The following C15orf61 variants were observed in gnomAD, a reference collection of about 807,000 sequenced individuals.
The protein encoded by C15orf61 is chromosome 15 open reading frame 61, also known as uncharacterized protein C15orf61.
In C15orf61, 12 loss-of-function variants were observed where a neutral mutation model predicts 13.7. The ratio of observed to expected loss-of-function variants is 0.88; its 90% CI spans 0.56 to 1.42. C15orf61 has a LOEUF of 1.42. Among genes scored for constraint, C15orf61 ranks in the 40% most tolerant of loss-of-function variants. C15orf61 has a pLI of 0.00. For synonymous variants in C15orf61, 92 were observed against 94.1 expected, an observed-to-expected ratio of 0.98 and a Z score of 0.13; for missense variants, 248 against 213.2, an observed-to-expected ratio of 1.16 and a Z score of -1.02.
In C15orf61 at chr15:67,521,478, A is replaced by C. The variant is rs1358629971; in HGVS notation, c.230A>C (p.Tyr77Ser). ...AACTGGCCGGTGCAGGGCGCCAACT[A>C]CCACGTCCTGCGCACCGGCTGCTTC... ...HFNWPVQGAN[Y>S]HVLRTGCFPF... Residue 77 changes from tyrosine (Y) to serine (S), a missense_variant, in exon 1 of 2, where the codon TAC (tyrosine) becomes TCC (serine). By Grantham distance (144) the Tyr-to-Ser change is moderately radical. Transcript: ENST00000342683. The C allele has an allele frequency of 6.5e-7, 1 of 1,548,192 alleles. No individual in the cohort carries two copies. Among genetic ancestry groups the C allele is most frequent in the African/African-American group, 1.4e-5 (1 of 73,002 alleles).
rs1248970157 is a variant in C15orf61, at chr15:67,527,773, T to G, written c.*1228T>G. Reference sequence around the variant, plus strand: ...TACAAACTAGCTTCGTTAAAGGTAGTCATTTTAAATGATCTACAGAGTGAA... The same window carrying G: ...TACAAACTAGCTTCGTTAAAGGTAGGCATTTTAAATGATCTACAGAGTGAA... On this transcript the variant is annotated 3_prime_UTR_variant, in exon 2 of 2. Coordinates refer to ENST00000342683, the MANE Select transcript of C15orf61 (RefSeq NM_001143936.2). The G allele has an allele frequency of 2.0e-5, 3 of 152,200 alleles. No homozygotes were observed. Among genetic ancestry groups the G allele is most frequent in the African/African-American group, 7.2e-5 (3 of 41,452 alleles). The allele number at this position is 152,200 out of a possible 1,614,324, so 9.4% of individuals were successfully genotyped here. A position where few individuals can be genotyped will look rare whatever the true frequency, so the allele number is the denominator to read the frequency against.
chr15:67,522,829 G>C (rs928464802), intron 1 of C15orf61, among the ~76,000 whole-genome samples: 2 of 152,228 alleles, frequency 1.3e-5, no homozygotes, highest in African/African-American at 4.8e-5. Context: ...TAACGGGAGA[G>C]TTATAGGTAA....
intron 1 of C15orf61, among the ~76,000 whole-genome samples, chr15:67,523,767 G>A (rs571489395): frequency 1.9e-3 from 287 of 152,232 alleles, no homozygotes; most frequent in Non-Finnish European, 3.3e-3. Flanking sequence ...TTCAAAGCAT[G>A]TGTGCTACAA....
intron 1 of C15orf61, among the ~76,000 whole-genome samples, chr15:67,523,172 T>G (rs947328407): frequency 3.3e-5 from 5 of 152,150 alleles, no homozygotes; most frequent in African/African-American, 1.2e-4. Flanking sequence ...TGCTCATGCA[T>G]GCTTTAATAC....
Position 67,528,897 on chromosome 15 carries a change from A to G in C15orf61, c.*2352A>G, listed in dbSNP as rs1034544801. 4.6e-5 allele frequency: 7 copies of G among 152,216 alleles called. No homozygotes were observed. Among genetic ancestry groups the G allele is most frequent in the African/African-American group, 1.7e-4 (7 of 41,460 alleles). The allele number at this position is 152,216 out of a possible 1,614,324, so 9.4% of individuals were successfully genotyped here. A position where few individuals can be genotyped will look rare whatever the true frequency, so the allele number is the denominator to read the frequency against. On this transcript the variant is annotated 3_prime_UTR_variant, in exon 2 of 2. Coordinates refer to ENST00000342683, the MANE Select transcript of C15orf61 (RefSeq NM_001143936.2). Reference sequence around the variant, plus strand: ...CACATTCTTCTGCTCCATTATACTTAAAGGACTTCATTAATTAAAAAATTT... The same window carrying G: ...CACATTCTTCTGCTCCATTATACTTGAAGGACTTCATTAATTAAAAAATTT...
intron 1 of C15orf61, 50 bp from the exon 2 acceptor site, chr15:67,526,368 T>C (rs746358575): frequency 2.5e-5 from 31 of 1,245,678 alleles, no homozygotes; most frequent in Non-Finnish European, 3.4e-5. Context: ...GATCAGTAAC[T>C]TGCATGATTA....
At chr15:67,523,327 G>A (rs1276646761) in intron 1 of C15orf61, among the ~76,000 whole-genome samples, 1 of 152,116 alleles carries the variant, frequency 6.6e-6, no homozygotes, top group Admixed American at 6.5e-5. Context: ...AGGTACAATC[G>A]TCTCTCTGGG....
At position 67,529,444 on chromosome 15, in the gene C15orf61, G is replaced by A. The variant is rs953449288; in HGVS notation, c.*2899G>A. 1.3e-5 allele frequency: 2 copies of A among 152,144 alleles called. No individual in the cohort carries two copies. Among genetic ancestry groups the A allele is most frequent in the Non-Finnish European group, 2.9e-5 (2 of 68,030 alleles). 9.4% of individuals were successfully genotyped at this position (152,144 alleles called of 1,614,324 possible). A position where few individuals can be genotyped will look rare whatever the true frequency, so the allele number is the denominator to read the frequency against. On this transcript the variant is annotated 3_prime_UTR_variant, in exon 2 of 2. Coordinates refer to ENST00000342683, the MANE Select transcript of C15orf61 (RefSeq NM_001143936.2). The surrounding 1 kb of genome is among the most constrained non-coding windows in gnomAD (Gnocchi z 4.4). ...TAAAAATTCAAACTTTTCTTTTTGA[G>A]AAGGAGTTTCAGTCTTGTTGTCTAG...
chr15:67,522,204 G>A (rs62015089), intron 1 of C15orf61: 80,592 of 701,466 alleles, frequency 0.11, 5,767 homozygotes, highest in African/African-American at 0.26. Flanking sequence ...ACTGTCACTA[G>A]GTGTTTATTT....
In C15orf61 at chr15:67,527,234, G is replaced by A. The variant is rs2084203905; in HGVS notation, c.*689G>A. On this transcript the variant is annotated 3_prime_UTR_variant, in exon 2 of 2. Coordinates refer to ENST00000342683, the MANE Select transcript of C15orf61 (RefSeq NM_001143936.2). ...AAAGTTAAAACAGCTTTCCTATAAA[G>A]CTGTAAGAACAATTAAGATCTTCTA... is the stretch of plus-strand genomic sequence containing the variant. The A allele has an allele frequency of 2.6e-5, 4 of 152,140 alleles. No individual in the cohort carries two copies. The highest frequency in any genetic ancestry group is 2.9e-5 in the Non-Finnish European group (2 of 67,994). 9.4% of individuals were successfully genotyped at this position (152,140 alleles called of 1,614,324 possible). A position where few individuals can be genotyped will look rare whatever the true frequency, so the allele number is the denominator to read the frequency against.
rs1443977283 is a variant in C15orf61 at position 67,529,064 on chromosome 15, C to T, written c.*2519C>T. 6.6e-6 allele frequency: 1 copy of T among 152,204 alleles called. No individual in the cohort carries two copies. Among genetic ancestry groups the T allele is most frequent in the Non-Finnish European group, 1.5e-5 (1 of 68,030 alleles). 9.4% of individuals were successfully genotyped at this position (152,204 alleles called of 1,614,324 possible). A position where few individuals can be genotyped will look rare whatever the true frequency, so the allele number is the denominator to read the frequency against. On this transcript the variant is annotated 3_prime_UTR_variant, in exon 2 of 2. Coordinates refer to ENST00000342683, the MANE Select transcript of C15orf61 (RefSeq NM_001143936.2). The surrounding 1 kb of genome is among the most constrained non-coding windows in gnomAD (Gnocchi z 4.4). ...CTTAATTGGTGAAACCACTGATTAG[C>T]TTTTCTGTCATATTTCTTTGACAGG...
intron 1 of C15orf61, chr15:67,521,887 G>A: frequency 1.5e-6 from 1 of 654,696 alleles, no homozygotes; most frequent in Non-Finnish European, 2.7e-6. Context: ...CCCCTGGCCT[G>A]GGCAGTAAGC....
At position 67,521,368 on chromosome 15, in the gene C15orf61, G is replaced by A. The variant is rs1308742522; in HGVS notation, c.120G>A (p.Leu40=). ...PSASEVLTRH[L]LQRRLPHWTS... is the part of the protein sequence containing the mutation. ...CCTCGGAGGTGCTGACGCGGCATCT[G>A]CTGCAGCGGCGCCTGCCGCACTGGA... is the stretch of plus-strand genomic sequence containing the variant. Residue 40 remains leucine (L), a synonymous_variant, in exon 1 of 2, where the codon CTG becomes CTA. Coordinates refer to ENST00000342683, the MANE Select transcript of C15orf61 (RefSeq NM_001143936.2). The A allele has an allele frequency of 2.0e-6, 3 of 1,538,266 alleles. No homozygotes were observed. In the Admixed American group the frequency reaches 5.9e-5, roughly 30 times the overall value.
chr15:67,521,356 G>C lies in C15orf61; in HGVS notation c.108G>C (p.Leu36=). The C allele has an allele frequency of 6.5e-7, 1 of 1,536,998 alleles. No individual in the cohort carries two copies. Among genetic ancestry groups the C allele is most frequent in the Non-Finnish European group, 8.7e-7 (1 of 1,146,126 alleles). ...CCAAGCCCAGCGCCTCGGAGGTGCTGACGCGGCATCTGCTGCAGCGGCGCC... is the reference window on the plus strand; with the variant it reads ...CCAAGCCCAGCGCCTCGGAGGTGCTCACGCGGCATCTGCTGCAGCGGCGCC... ...ARPKPSASEV[L]TRHLLQRRLP... Residue 36 remains leucine, a synonymous_variant, in exon 1 of 2, where the codon CTG becomes CTC. Coordinates refer to ENST00000342683, the MANE Select transcript of C15orf61 (RefSeq NM_001143936.2).
chr15:67,526,330 G>C (rs1221516096), intron 1 of C15orf61, 88 bp from the exon 2 acceptor site: 6 of 744,876 alleles, frequency 8.1e-6, no homozygotes, highest in Non-Finnish European at 1.2e-5. Flanking sequence ...ATTGTAATTT[G>C]TTAACATTGC....
At chr15:67,523,871 A>C (rs922283188) in intron 1 of C15orf61, among the ~76,000 whole-genome samples, 1 of 152,296 alleles carries the variant, frequency 6.6e-6, no homozygotes, top group South Asian at 2.1e-4. Context: ...AAGGGGAAAA[A>C]AATACAGAAT....
rs774166907 is a variant in C15orf61, at chr15:67,527,396, ATTAAC to A, written c.*856_*860del. 19 of 152,292 alleles carry A rather than the reference ATTAAC, an allele frequency of 1.2e-4. No homozygotes were observed. Among genetic ancestry groups the A allele is most frequent in the South Asian group, 6.2e-4 (3 of 4,826 alleles). 9.4% of individuals were successfully genotyped at this position (152,292 alleles called of 1,614,324 possible). ...AATGGCACTTTTGCATTTGAATTTT[ATTAAC>A]TTAATTGCATTTTTGAAAGCCAAGT... On this transcript the variant is annotated 3_prime_UTR_variant, in exon 2 of 2. Transcript: ENST00000342683.
At chr15:67,524,389 C>CTT (rs60686289) in intron 1 of C15orf61, among the ~76,000 whole-genome samples, 3 of 150,872 alleles carry the variant, frequency 2.0e-5, no homozygotes, top group African/African-American at 7.3e-5. Context: ...AGCCACTTGC[C>CTT]TTTTTTTTTC....
rs117434844 is a variant in C15orf61, at chr15:67,526,209, A to G, written c.347-209A>G. 8.2e-3 allele frequency among the ~76,000 whole-genome samples: 1,254 copies of G among 152,344 alleles called. 43 individuals are homozygous for G. The highest frequency in any genetic ancestry group is 0.06 in the Admixed American group (912 of 15,294). On this transcript the variant is annotated intron_variant, in intron 1 of 1. Transcript: ENST00000342683. The stretch of plus-strand genomic sequence containing the variant: ...ATTAACATTTATACCCGCCTTGTCT[A>G]TAGTATGAAAACCTCTGGACTCACG...
Sources: gnomAD v4.1 joint callset for allele counts (sites outside exome capture counted in the v4.1 genomes callset) on GRCh38, gnomAD v4.1.1 for gene constraint, Gnocchi (gnomAD v3.1) non-coding constraint, MANE v1.5 for transcripts, NCBI Gene and HGNC (gene_info 2026-07-23, HGNC 2026-07-21) for gene names.